Variants in COPZ2 observed in about 807,000 individuals in gnomAD.
COPZ2 encodes coatomer subunit zeta-2.
Under a neutral mutation model 33.2 loss-of-function variants are expected in COPZ2, and 30 were observed. The observed-to-expected ratio is 0.90, with a 90% CI of 0.68 to 1.23. The LOEUF is 1.23. Ranked by LOEUF, COPZ2 falls within the 50% of genes most tolerant of loss-of-function variation. The probability of loss-of-function intolerance (pLI) is 0.00; values close to 1 mark genes in which losing one functional copy is unlikely to be tolerated. For missense variants in COPZ2, 263 were observed against 262.4 expected (o/e 1.00, Z -0.02); for synonymous variants, 89 against 102.6 (o/e 0.87, Z 0.80).
At chr17:48,033,335 C>A (rs1342380851) in intron 3 of COPZ2, 33 bp from the exon 4 acceptor site, 1 of 1,337,986 alleles carries the variant, frequency 7.5e-7, no homozygotes. Flanking sequence ...GTCCTGGCCA[C>A]CTTGCCTGGT....
In COPZ2 at chr17:48,037,753, G is replaced by T; in HGVS notation, c.25C>A (p.Arg9Ser). 8 of 1,040,536 alleles carry T rather than the reference G, an allele frequency of 7.7e-6. No homozygotes were observed. The highest frequency in any genetic ancestry group is 9.2e-6 in the Non-Finnish European group (8 of 871,016). 64.5% of individuals were successfully genotyped at this position (1,040,536 alleles called of 1,614,324 possible). A position where few individuals can be genotyped will look rare whatever the true frequency, so the allele number is the denominator to read the frequency against. The change falls in exon 1 of 9, where the codon CGT becomes AGT. Residue 9 changes from arginine to serine, a missense_variant. Physicochemically the swap from Arg to Ser is moderately radical, Grantham distance 110. Transcript: ENST00000621465. The surrounding 1 kb of genome is among the most constrained non-coding windows in gnomAD (Gnocchi z 5.6). Reference sequence around the variant, plus strand: ...GCGGCCCCCTCCCCCGGGTGCGGACGTGGCCAGGCCTCGGGCCGCTGCATT... The same window carrying T: ...GCGGCCCCCTCCCCCGGGTGCGGACTTGGCCAGGCCTCGGGCCGCTGCATT... MQRPEAWP[R>S]PHPGEGAAAA... is the part of the protein sequence containing the mutation.
At chr17:48,029,925 G>A (rs997079457) in intron 6 of COPZ2, among the ~76,000 whole-genome samples, 1 of 150,952 alleles carries the variant, frequency 6.6e-6, no homozygotes, top group Non-Finnish European at 1.5e-5. Context: ...CCAAGATTGC[G>A]CCACTGCACT....
At chr17:48,038,003 T>G, upstream of COPZ2, 1 of 348,898 alleles carries the variant, frequency 2.9e-6, no homozygotes, top group Non-Finnish European at 3.9e-6. Flanking sequence ...GTCCCTTACA[T>G]CCCCGAACTC....
intron 6 of COPZ2, among the ~76,000 whole-genome samples, chr17:48,030,935 G>A (rs929089412): frequency 1.3e-5 from 2 of 152,144 alleles, no homozygotes; most frequent in Non-Finnish European, 2.9e-5. Context: ...TCCCTTTTGG[G>A]TCCCAGAAAT....
At chr17:48,041,721 G>T (rs1358642833), upstream of COPZ2, among the ~76,000 whole-genome samples, 1 of 151,940 alleles carries the variant, frequency 6.6e-6, no homozygotes, top group Non-Finnish European at 1.5e-5. Context: ...CAGAAGTTAT[G>T]TCAATGGTCA....
In COPZ2 at chr17:48,028,268, C is replaced by T. The variant is rs1160491403; in HGVS notation, c.585+204G>A. Among the ~76,000 whole-genome samples the T allele has an allele frequency of 6.6e-6, 1 of 152,150 alleles. No homozygotes were observed. Among genetic ancestry groups the T allele is most frequent in the Non-Finnish European group, 1.5e-5 (1 of 68,022 alleles). ...TAACATGCCCATCCATCCATTAGTA[C>T]CCAGCTCCCCTGAGTTGGAGAGCCC... On this transcript the variant is annotated intron_variant, in intron 8 of 8. Coordinates refer to ENST00000621465, the MANE Select transcript of COPZ2 (RefSeq NM_016429.4). The surrounding 1 kb of genome is among the most constrained non-coding windows in gnomAD (Gnocchi z 4.5).
chr17:48,029,261 C>G (rs2036858164), intron 6 of COPZ2, 85 bp from the exon 7 acceptor site: 6 of 1,251,866 alleles, frequency 4.8e-6, no homozygotes, highest in Non-Finnish European at 5.7e-6. Context: ...CCTCTTCCCT[C>G]TCCGAAGGCA....
chr17:48,032,475 C>T (rs2036908943), intron 5 of COPZ2, among the ~76,000 whole-genome samples: 1 of 152,238 alleles, frequency 6.6e-6, no homozygotes, highest in Non-Finnish European at 1.5e-5. Context: ...CCTTGACACC[C>T]TGGCACCCAC....
At chr17:48,043,507 T>C in the COPZ2 span, 1 of 985,296 alleles carries the variant, frequency 1.0e-6, no homozygotes, top group Non-Finnish European at 1.2e-6. Context: ...CGTGGAAGTG[T>C]GTACTGGTGG....
Position 48,034,816 on chromosome 17 carries a change from C to G in COPZ2, c.187-872G>C, listed in dbSNP as rs548794759. ...TTGCCAACATGGTGAAACCCCATCT[C>G]TACTAATTATACAAAATAAATTAGC... On this transcript the variant is annotated intron_variant, in intron 2 of 8. Transcript: ENST00000621465. Among the ~76,000 whole-genome samples, 35 of 152,148 alleles carry G rather than the reference C, an allele frequency of 2.3e-4. No homozygotes were observed. The South Asian group carries it at 6.8e-3, about 30-fold the overall frequency.
chr17:48,035,898 C>T (rs1179204557), intron 2 of COPZ2, among the ~76,000 whole-genome samples: 14 of 151,856 alleles, frequency 9.2e-5, no homozygotes, highest in Admixed American at 2.6e-4. Context: ...GGATTACAGG[C>T]GCCCACCACC....
At chr17:48,030,945 T>C (rs1217041273) in intron 6 of COPZ2, among the ~76,000 whole-genome samples, 4 of 152,204 alleles carry the variant, frequency 2.6e-5, no homozygotes, top group Admixed American at 1.3e-4. Context: ...GTCCCAGAAA[T>C]CTGCAGGAGG....
At chr17:48,036,721 A>G in intron 2 of COPZ2, 130 bp downstream of exon 2, 1 of 735,994 alleles carries the variant, frequency 1.4e-6, no homozygotes, top group Non-Finnish European at 2.3e-6. Context: ...AGGCAGGAGG[A>G]TGAGAAGGAC....
the COPZ2 span, among the ~76,000 whole-genome samples, chr17:48,044,041 T>C: frequency 1.3e-5 from 2 of 152,230 alleles, no homozygotes; most frequent in African/African-American, 4.8e-5. Context: ...GGGTTGAGAA[T>C]GAGCACACCC....
intron 6 of COPZ2, chr17:48,031,584 A>G (rs2036895278): frequency 6.6e-6 from 1 of 152,278 alleles, no homozygotes; most frequent in African/African-American, 2.4e-5. Flanking sequence ...CTAGCTTCCT[A>G]AGAATATACT....
Position 48,028,749 on chromosome 17 carries a change from A to G in COPZ2, c.547-239T>C, listed in dbSNP as rs2036850643. ...GGAAGATGGGAAGAAAGATGGGAAG[A>G]AAGGTTTCATCCAGACATGAGAAAG... On this transcript the variant is annotated intron_variant, in intron 7 of 8. Transcript: ENST00000621465. The surrounding 1 kb of genome is among the most constrained non-coding windows in gnomAD (Gnocchi z 4.5). Among the ~76,000 whole-genome samples the G allele has an allele frequency of 6.6e-6, 1 of 152,056 alleles. No individual in the cohort carries two copies. The highest frequency in any genetic ancestry group is 6.6e-5 in the Admixed American group (1 of 15,264).
At chr17:48,031,996 G>A (rs2036900505) in intron 6 of COPZ2, 160 bp downstream of exon 6, 4 of 640,452 alleles carry the variant, frequency 6.2e-6, no homozygotes, top group Non-Finnish European at 8.4e-6. Flanking sequence ...TGAGTGGGGC[G>A]CTAGTAAGGG....
At position 48,033,846 on chromosome 17, in the gene COPZ2, AAGAGGGGGACACTTACTCTC is replaced by A. The variant is rs1411820025; in HGVS notation, c.265_268+16del. The A allele has an allele frequency of 6.3e-7, 1 of 1,583,150 alleles. No individual in the cohort carries two copies. The highest frequency in any genetic ancestry group is 1.7e-5 in the Admixed American group (1 of 58,116). On this transcript the variant is annotated splice_donor_variant and splice_donor_5th_base_variant and coding_sequence_variant and intron_variant, in exon 3 of 9. Transcript: ENST00000621465. LOFTEE classifies it high-confidence loss of function. ...TGTGCATCTGATAGTCTGCTGGAGG[AAGAGGGGGACACTTACTCTC>A]AGTCCGGCTGGTCTTGTTGAAGACA...
the COPZ2 span, among the ~76,000 whole-genome samples, chr17:48,043,985 G>A: frequency 6.6e-6 from 1 of 152,156 alleles, no homozygotes; most frequent in Non-Finnish European, 1.5e-5. Flanking sequence ...AGACACTAAT[G>A]AACAATGAGG....
Sources: gnomAD v4.1 joint callset for allele counts (sites outside exome capture counted in the v4.1 genomes callset) on GRCh38, gnomAD v4.1.1 for gene constraint, Gnocchi (gnomAD v3.1) non-coding constraint, MANE v1.5 for transcripts, NCBI Gene and HGNC (gene_info 2026-07-23, HGNC 2026-07-21) for gene names.